The following CENPI variants were observed in gnomAD, a reference collection of about 807,000 sequenced individuals.
The protein encoded by CENPI is centromere protein I.
Under a neutral mutation model 60.4 loss-of-function variants are expected in CENPI, and 4 were observed. The observed-to-expected ratio is 0.07, with a 90% CI of 0.03 to 0.15. The LOEUF (loss-of-function observed/expected upper bound fraction) is 0.15. Among genes scored for constraint, CENPI ranks in the 10% least tolerant of loss-of-function variants. The pLI is 1.00. For synonymous variants in CENPI, 157 were observed against 189.4 expected, an observed-to-expected ratio of 0.83 and a Z score of 1.40; for missense variants, 444 against 534.5, an observed-to-expected ratio of 0.83 and a Z score of 1.67.
chrX:101,159,455 C>T (rs770214820), intron 20 of CENPI, among the ~76,000 whole-genome samples: 2 of 109,432 alleles, frequency 1.8e-5, no homozygotes, highest in African/African-American at 6.6e-5. Flanking sequence ...AGCCACCGCG[C>T]CTGGCCTTTT....
At chrX:101,150,943 GCTT>G (rs1358924841) in intron 20 of CENPI, among the ~76,000 whole-genome samples, 1 of 110,959 alleles carries the variant, frequency 9.0e-6, no homozygotes, top group African/African-American at 3.3e-5. Flanking sequence ...GTGTGTGTGT[GCTT>G]CTTCCTCATA....
At position 101,141,591 on chromosome X, in the gene CENPI, G is replaced by A. The variant is rs766202395; in HGVS notation, c.1565+831G>A. Among the ~76,000 whole-genome samples, 5 of 111,620 alleles carry A rather than the reference G, an allele frequency of 4.5e-5. No individual in the cohort carries two copies. In the South Asian group the frequency reaches 1.5e-3, roughly 33 times the overall value. On this transcript the variant is annotated intron_variant, in intron 16 of 21. Transcript: ENST00000682095. Reference sequence around the variant, plus strand: ...GATCTCTTGACCTTGTGATCTGCCCGCCTCAGCTTTCCAAAGTGCTGGGAT... The same window carrying A: ...GATCTCTTGACCTTGTGATCTGCCCACCTCAGCTTTCCAAAGTGCTGGGAT...
Position 101,162,473 on chromosome X carries a change from AAT to A in CENPI, c.2137-342_2137-341del, listed in dbSNP as rs1556409815. 7.7e-3 allele frequency among the ~76,000 whole-genome samples: 523 copies of A among 68,094 alleles called. 8 individuals carry two copies. The highest frequency in any genetic ancestry group is 0.034 in the Middle Eastern group (4 of 117). The allele number at this position is 68,094 out of a possible 115,157, so 59.1% of individuals were successfully genotyped here. ...CGTATCTCAAAAAAAAAAAAAAAAAAATATATATATATATATATAATTATCTC... is the reference window on the plus strand; with the variant it reads ...CGTATCTCAAAAAAAAAAAAAAAAAAATATATATATATATATAATTATCTC... On this transcript the variant is annotated intron_variant, in intron 21 of 21. Coordinates refer to ENST00000682095, the MANE Select transcript of CENPI (RefSeq NM_001386188.2).
At chrX:101,144,699 AC>A (rs1325354492) in intron 16 of CENPI, among the ~76,000 whole-genome samples, 1 of 111,062 alleles carries the variant, frequency 9.0e-6, no homozygotes, top group Non-Finnish European at 1.9e-5. Context: ...TTTTCATGTC[AC>A]TTTTATGTGA....
chrX:101,149,456 G>A (rs962383446), intron 20 of CENPI, among the ~76,000 whole-genome samples: 1 of 110,498 alleles, frequency 9.0e-6, no homozygotes, highest in Non-Finnish European at 1.9e-5. Context: ...TGTAGGGCTA[G>A]AGCAGTGATT....
At chrX:101,138,342 A>AC (rs1328095830) in intron 15 of CENPI, among the ~76,000 whole-genome samples, 41 of 96,634 alleles carry the variant, frequency 4.2e-4, no homozygotes, top group East Asian at 9.9e-4. Context: ...GGAATTAAAG[A>AC]TTTTTTTTTT....
intron 2 of CENPI, 47 bp from the exon 3 acceptor site, chrX:101,101,011 G>A (rs2089408528): frequency 4.4e-6 from 4 of 913,802 alleles, no homozygotes; most frequent in Middle Eastern, 2.7e-4. Context: ...GGAGAAAAAA[G>A]GACTGTTTGG....
rs367741007 is a variant in CENPI, at chrX:101,127,675, T to C, written c.1074+10T>C. 1.8e-4 allele frequency: 201 copies of C among 1,102,071 alleles called. No homozygotes were observed. The highest frequency in any genetic ancestry group is 2.3e-4 in the Non-Finnish European group (193 of 829,696). The allele number at this position is 1,102,071 out of a possible 1,213,427, so 90.8% of individuals were successfully genotyped here. A position where few individuals can be genotyped will look rare whatever the true frequency, so the allele number is the denominator to read the frequency against. ...CATCCATTGCTTAGAGGTATGTGAC[T>C]GGACCATGTGCTTCTTTGCATTTTC... is the stretch of plus-strand genomic sequence containing the variant. On this transcript the variant is annotated intron_variant, in intron 11 of 21. Transcript: ENST00000682095.
At chrX:101,099,523 A>C (rs1184399705) in intron 2 of CENPI, among the ~76,000 whole-genome samples, 1 of 110,418 alleles carries the variant, frequency 9.1e-6, no homozygotes, top group Non-Finnish European at 1.9e-5. Context: ...TGCCCAGCCA[A>C]GCTGCTGTTT....
chrX:101,123,238 A>T (rs951815340), intron 8 of CENPI, among the ~76,000 whole-genome samples: 2 of 112,235 alleles, frequency 1.8e-5, no homozygotes, highest in African/African-American at 6.5e-5. Flanking sequence ...GGATGTGCGA[A>T]TTTCTGATAC....
At chrX:101,136,026 A>G (rs2089845047) in intron 15 of CENPI, among the ~76,000 whole-genome samples, 1 of 112,336 alleles carries the variant, frequency 8.9e-6, no homozygotes, top group African/African-American at 3.2e-5. Context: ...CCCGACCTGT[A>G]TATTATCTTT....
rs1286439780 is a variant in CENPI at position 101,164,401 on chromosome X, T to C, written c.*1434T>C. Among the ~76,000 whole-genome samples, 3 of 111,466 alleles carry C rather than the reference T, an allele frequency of 2.7e-5. No individual in the cohort carries two copies. Among genetic ancestry groups the C allele is most frequent in the Admixed American group, 9.6e-5 (1 of 10,432 alleles). ...AGGCTGGAGTGCAGAGGCATGATCT[T>C]GGCTCACTGCAACCTCTACTTTCTG... is the stretch of plus-strand genomic sequence containing the variant. On this transcript the variant is annotated 3_prime_UTR_variant, in exon 22 of 22. Coordinates refer to ENST00000682095, the MANE Select transcript of CENPI (RefSeq NM_001386188.2).
intron 8 of CENPI, among the ~76,000 whole-genome samples, chrX:101,121,394 A>G (rs1334187876): frequency 4.6e-5 from 5 of 109,819 alleles, no homozygotes; most frequent in Non-Finnish European, 5.7e-5. Context: ...GGGTTCAAGC[A>G]ATTCTCCTGC....
intron 20 of CENPI, among the ~76,000 whole-genome samples, chrX:101,148,786 A>G (rs2089982947): frequency 8.9e-6 from 1 of 111,846 alleles, no homozygotes; most frequent in East Asian, 2.8e-4. Flanking sequence ...ATACCCTGAA[A>G]GAATTTGGAC....
At chrX:101,162,469 A>ATATAT (rs1204721257) in intron 21 of CENPI, among the ~76,000 whole-genome samples, 54 of 84,050 alleles carry the variant, frequency 6.4e-4, no homozygotes, top group African/African-American at 1.8e-3. Context: ...AAAAAAAAAA[A>ATATAT]AAAAATATAT....
chrX:101,116,836 C>T (rs894712744), intron 6 of CENPI, among the ~76,000 whole-genome samples: 2 of 111,933 alleles, frequency 1.8e-5, no homozygotes, highest in Admixed American at 9.6e-5. Context: ...ATCACATCCT[C>T]ACCAATACTG....
intron 4 of CENPI, 83 bp downstream of exon 4, chrX:101,102,494 T>TACACACACACACACACAC (rs199833748): frequency 4.0e-5 from 12 of 298,599 alleles, no homozygotes; most frequent in African/African-American, 3.3e-4. Context: ...CTTATATATA[T>TACACACACACACACACAC]ATACACACAC....
rs1396992397 is a variant in CENPI, at chrX:101,161,545, G to A, written c.2112G>A (p.Arg704=). The change falls in exon 21 of 22, where the codon AGG becomes AGA. Residue 704 remains arginine (R), a synonymous_variant. Coordinates refer to ENST00000682095, the MANE Select transcript of CENPI (RefSeq NM_001386188.2). ...TTTTTAAGGAAAGCCCAGAAGAAAG[G>A]ACAGTAAATGTGAGCTCTATTCGGG... ...SFLLQESPEE[R]TVNVSSIRGK... is the part of the protein sequence containing the mutation. The A allele has an allele frequency of 1.6e-5, 19 of 1,207,178 alleles. No homozygotes were observed. Among genetic ancestry groups the A allele is most frequent in the Non-Finnish European group, 2.0e-5 (18 of 892,830 alleles).
At position 101,128,842 on chromosome X, in the gene CENPI, A is replaced by G; in HGVS notation, c.1195+6A>G. 1 of 1,207,101 alleles carries G rather than the reference A, an allele frequency of 8.3e-7. No homozygotes were observed. On this transcript the variant is annotated splice_donor_region_variant and intron_variant, in intron 12 of 21. Coordinates refer to ENST00000682095, the MANE Select transcript of CENPI (RefSeq NM_001386188.2). The stretch of plus-strand genomic sequence containing the variant: ...GAGTCAAACATTACAAGAAGGTAAG[A>G]ATTGAGTGAGGATGGACCAAGATAG...
Sources: allele counts gnomAD v4.1 joint callset (sites outside exome capture counted in the v4.1 genomes callset), GRCh38; gene constraint gnomAD v4.1.1; transcripts MANE v1.5; gene names NCBI Gene and HGNC (gene_info 2026-07-23, HGNC 2026-07-21).